The following PCDH15 variants were observed in gnomAD, a reference collection of about 807,000 sequenced individuals.
PCDH15 encodes protocadherin related 15, also known as protocadherin-15.
PCDH15 carries 129 observed loss-of-function variants against 178.5 expected under a neutral mutation model. The observed-to-expected ratio is 0.72, with a 90% confidence interval of 0.63 to 0.84. The LOEUF (loss-of-function observed/expected upper bound fraction) is 0.84. Among genes scored for constraint, PCDH15 ranks in the 40% least tolerant of loss-of-function variants. PCDH15 has a pLI of 0.00. For synonymous variants in PCDH15, 800 were observed against 732.0 expected, an observed-to-expected ratio of 1.09 and a Z score of -1.50; for missense variants, 2,230 against 2,099.9, an observed-to-expected ratio of 1.06 and a Z score of -1.21.
intron 1 of PCDH15, among the ~76,000 whole-genome samples, chr10:54,685,206 T>C (rs754889391): frequency 7.2e-5 from 11 of 152,046 alleles, no homozygotes; most frequent in Non-Finnish European, 4.4e-5. Flanking sequence ...TCATCTCCTA[T>C]GATAATAATG....
intron 2 of PCDH15, among the ~76,000 whole-genome samples, chr10:55,122,040 T>C (rs929431620): frequency 6.6e-6 from 1 of 152,140 alleles, no homozygotes; most frequent in African/African-American, 2.4e-5. Flanking sequence ...ACTGGAGGAA[T>C]AGGAAAAAGA....
chr10:55,446,454 G>T (rs1205887137), intron 2 of PCDH15, among the ~76,000 whole-genome samples: 1 of 151,936 alleles, frequency 6.6e-6, no homozygotes, highest in African/African-American at 2.4e-5. Context: ...TATGTGAAAG[G>T]TTAGAAGAGA....
intron 19 of PCDH15, among the ~76,000 whole-genome samples, chr10:54,021,376 T>G (rs1565036467): frequency 6.6e-6 from 1 of 152,060 alleles, no homozygotes; most frequent in Admixed American, 6.6e-5. Flanking sequence ...AATTATTGAC[T>G]TAACAATCAG....
At chr10:55,551,701 T>G (rs1207310380) in intron 2 of PCDH15, among the ~76,000 whole-genome samples, 2 of 151,840 alleles carry the variant, frequency 1.3e-5, no homozygotes, top group Admixed American at 1.3e-4. Context: ...AATATAACTG[T>G]AGTAACTTCT....
At chr10:55,457,141 A>C (rs1839572464) in intron 2 of PCDH15, among the ~76,000 whole-genome samples, 2 of 152,092 alleles carry the variant, frequency 1.3e-5, no homozygotes, top group Admixed American at 1.3e-4. Flanking sequence ...TGGGAAGGGT[A>C]TCTATACTTG....
At chr10:53,823,671 T>C (rs2076472815) in intron 32 of PCDH15, 2 of 482,858 alleles carry the variant, frequency 4.1e-6, no homozygotes, top group Non-Finnish European at 8.2e-6. Flanking sequence ...AGCATCCATG[T>C]CCACACGTAA....
At chr10:53,819,671 T>A (rs996670435) in intron 33 of PCDH15, among the ~76,000 whole-genome samples, 35 of 152,014 alleles carry the variant, frequency 2.3e-4, no homozygotes, top group Admixed American at 2.2e-3. Context: ...ATTAATGAGA[T>A]CATAATAAAT....
intron 32 of PCDH15, chr10:53,821,010 A>C (rs2076241771): frequency 2.8e-6 from 2 of 714,626 alleles, no homozygotes; most frequent in Non-Finnish European, 1.7e-6. Context: ...GAAAAAATTT[A>C]AATTAGGGAG....
chr10:55,409,955 G>A (rs1265591295), intron 2 of PCDH15, among the ~76,000 whole-genome samples: 1 of 152,068 alleles, frequency 6.6e-6, no homozygotes, highest in African/African-American at 2.4e-5. Flanking sequence ...CTCTGAATGT[G>A]GGTTTTAAAC....
At chr10:54,354,237 G>C (rs901907716) in intron 5 of PCDH15, among the ~76,000 whole-genome samples, 2 of 152,182 alleles carry the variant, frequency 1.3e-5, no homozygotes, top group African/African-American at 4.8e-5. Context: ...CGCCTGCCTC[G>C]GCCTTCCAAA....
chr10:54,023,053 C>G lies in PCDH15; in HGVS notation c.2365G>C (p.Val789Leu), dbSNP rs1199463939. ...REVRDYYELV[V>L]VATDGAVHPR... ...TGTACTGCTCCATCTGTTGCCACAA[C>G]AACAAGTTCATAGTAGTCCCTGACT... The change falls in exon 19 of 38, where the codon GTT (valine) becomes CTT (leucine). Residue 789 changes from valine to leucine, a missense_variant. By Grantham distance (32) the Val-to-Leu change is conservative. Coordinates refer to ENST00000644397, the MANE Select transcript of PCDH15 (RefSeq NM_001384140.1). 6.2e-7 allele frequency: 1 copy of G among 1,613,990 alleles called. No homozygotes were observed. The highest frequency in any genetic ancestry group is 1.1e-5 in the South Asian group (1 of 91,084).
intron 2 of PCDH15, among the ~76,000 whole-genome samples, chr10:55,538,696 T>C (rs1427951131): frequency 2.8e-4 from 1 of 3,534 alleles, no homozygotes; most frequent in Non-Finnish European, 5.2e-4. Flanking sequence ...TCCTTCCTTC[T>C]TTCATTAAAA....
chr10:54,172,711 A>G (rs2047044446), intron 13 of PCDH15, among the ~76,000 whole-genome samples: 1 of 152,216 alleles, frequency 6.6e-6, no homozygotes, highest in Non-Finnish European at 1.5e-5. Flanking sequence ...AGCAATATAT[A>G]GAACCATAAG....
intron 1 of PCDH15, among the ~76,000 whole-genome samples, chr10:54,690,213 G>A (rs905421258): frequency 6.6e-6 from 1 of 151,792 alleles, no homozygotes; most frequent in African/African-American, 2.4e-5. Flanking sequence ...TGCACTGCCA[G>A]TGTATAAAAA....
chr10:54,780,733 TAAAA>T (rs35494053), intron 1 of PCDH15, among the ~76,000 whole-genome samples: 3 of 114,336 alleles, frequency 2.6e-5, no homozygotes, highest in African/African-American at 9.5e-5. Context: ...AGCAATTGTG[TAAAA>T]AAAAAAAAAA....
At chr10:54,249,378 T>C (rs1192005636) in intron 8 of PCDH15, among the ~76,000 whole-genome samples, 1 of 152,118 alleles carries the variant, frequency 6.6e-6, no homozygotes, top group Non-Finnish European at 1.5e-5. Flanking sequence ...TGCTTGTCAA[T>C]AGTGAGGGAG....
Position 54,020,271 on chromosome 10 carries a change from C to T in PCDH15, c.2672G>A (p.Ser891Asn). The T allele has an allele frequency of 6.2e-7, 1 of 1,613,760 alleles. No individual in the cohort carries two copies. The highest frequency in any genetic ancestry group is 8.5e-7 in the Non-Finnish European group (1 of 1,179,792). Residue 891 changes from serine (S) to asparagine (N), a missense_variant, in exon 20 of 38, where the codon AGT becomes AAT. By Grantham distance (46) the Ser-to-Asn change is conservative. Transcript: ENST00000644397. ...DYEAFPDQEA[S>N]ITFLVEAFDI... ...AAAGGCCTCTACCAGAAAAGTGATA[C>T]TTGCTTCTTGGTCTGGAAATGCCTC... is the stretch of plus-strand genomic sequence containing the variant.
In PCDH15 at chr10:54,132,892, C is replaced by T. The variant is rs146199636; in HGVS notation, c.1900G>A (p.Val634Ile). 513 of 1,613,378 alleles carry T rather than the reference C, an allele frequency of 3.2e-4. 3 individuals are homozygous for T. The South Asian group carries it at 3.3e-3, about 10-fold the overall frequency. ...GAACATACCTGTAGATTTAATAAAA[C>T]AGCACCAACCCTCATGGCTTCACTA... is the stretch of plus-strand genomic sequence containing the variant. ...EISEAMRVGA[V>I]LLNLQATDRE... Residue 634 changes from valine to isoleucine, a missense_variant, in exon 15 of 38, where the codon GTT becomes ATT. Physicochemically the swap from Val to Ile is conservative, Grantham distance 29 (BLOSUM62 3). Transcript: ENST00000644397.
At chr10:55,180,344 T>C (rs554124470) in intron 1 of PCDH15, among the ~76,000 whole-genome samples, 3 of 152,284 alleles carry the variant, frequency 2.0e-5, no homozygotes, top group African/African-American at 7.2e-5. Context: ...CTAAAGACCC[T>C]GGATTCTATA....
Sources: gnomAD v4.1 joint callset for allele counts (sites outside exome capture counted in the v4.1 genomes callset) on GRCh38, gnomAD v4.1.1 for gene constraint, MANE v1.5 for transcripts, NCBI Gene and HGNC (gene_info 2026-07-23, HGNC 2026-07-21) for gene names.